The following MAST4 variants were observed in gnomAD, a reference collection of about 807,000 sequenced individuals.
MAST4 encodes microtubule associated serine/threonine kinase family member 4.
Under a neutral mutation model 162.7 loss-of-function variants are expected in MAST4, and 89 were observed. The ratio of observed to expected loss-of-function variants is 0.55; its 90% CI spans 0.46 to 0.65. MAST4 has a LOEUF of 0.65. Among genes scored for constraint, MAST4 ranks in the 30% least tolerant of loss-of-function variants. The pLI, the probability that MAST4 is intolerant of heterozygous loss-of-function variation, is 0.00. For missense variants in MAST4, 3,153 were observed against 3,374.0 expected, an observed-to-expected ratio of 0.93 and a Z score of 1.62; for synonymous variants, 1,479 against 1,361.1, an observed-to-expected ratio of 1.09 and a Z score of -1.91.
In MAST4 at chr5:67,145,261, C is replaced by T. The variant is rs1276253914; in HGVS notation, c.2976C>T (p.Ser992=). ...AGGGAGAGCAAGATGAAGCTGCCTCCTGCCCTGGAGACCCCCATGAGGAGC... is the reference window on the plus strand; with the variant it reads ...AGGGAGAGCAAGATGAAGCTGCCTCTTGCCCTGGAGACCCCCATGAGGAGC... ...STEGEQDEAA[S]CPGDPHEEPG... The change falls in exon 23 of 29, where the codon TCC becomes TCT. Residue 992 remains serine (S), a synonymous_variant. Coordinates refer to ENST00000403625, the MANE Select transcript of MAST4 (RefSeq NM_001164664.2). 1.9e-6 allele frequency: 3 copies of T among 1,613,822 alleles called. No homozygotes were observed. The highest frequency in any genetic ancestry group is 1.3e-5 in the African/African-American group (1 of 74,922).
At chr5:66,928,815 A>G (rs999337499) in intron 4 of MAST4, among the ~76,000 whole-genome samples, 5 of 152,190 alleles carry the variant, frequency 3.3e-5, no homozygotes, top group African/African-American at 1.2e-4. Context: ...ACTCTGGGCA[A>G]GAGTGCTCTT....
intron 1 of MAST4, among the ~76,000 whole-genome samples, chr5:66,607,104 A>G (rs1443077424): frequency 1.3e-5 from 2 of 152,182 alleles, no homozygotes; most frequent in Non-Finnish European, 2.9e-5. Context: ...GGAGAATAGT[A>G]GGGAGATACT....
chr5:66,688,813 A>G (rs1748855756), intron 1 of MAST4, among the ~76,000 whole-genome samples: 1 of 152,132 alleles, frequency 6.6e-6, no homozygotes, highest in African/African-American at 2.4e-5. Flanking sequence ...CCTTGCTTAT[A>G]CTAAGACTGG....
chr5:66,687,654 A>G lies in MAST4; in HGVS notation c.364-72055A>G, dbSNP rs112020906. 2.8e-3 allele frequency among the ~76,000 whole-genome samples: 422 copies of G among 151,424 alleles called. 1 individual carries two copies. Among genetic ancestry groups the G allele is most frequent in the African/African-American group, 9.2e-3 (381 of 41,226 alleles). ...TGTGTGTTTATCTATCTATCTATCT[A>G]TCTATCTATCTATCTATCTATCTAT... On this transcript the variant is annotated intron_variant, in intron 1 of 28. Coordinates refer to ENST00000403625, the MANE Select transcript of MAST4 (RefSeq NM_001164664.2).
intron 1 of MAST4, among the ~76,000 whole-genome samples, chr5:66,627,428 T>C (rs1580033475): frequency 1.3e-5 from 2 of 152,088 alleles, no homozygotes; most frequent in East Asian, 3.9e-4. Context: ...GAGCATAAAA[T>C]GGTGTTTTGA....
intron 3 of MAST4, among the ~76,000 whole-genome samples, chr5:66,813,925 A>G (rs1756593239): frequency 1.3e-5 from 2 of 152,346 alleles, no homozygotes; most frequent in Admixed American, 1.3e-4. Flanking sequence ...TTGGAAGGTT[A>G]CTGGGAACAT....
chr5:66,869,538 T>C (rs1374505994), intron 3 of MAST4, among the ~76,000 whole-genome samples: 2 of 152,214 alleles, frequency 1.3e-5, no homozygotes, highest in African/African-American at 4.8e-5. Context: ...AACATAATCC[T>C]GACTGGCAAT....
At chr5:67,043,164 T>G (rs893335496) in intron 4 of MAST4, among the ~76,000 whole-genome samples, 5 of 152,220 alleles carry the variant, frequency 3.3e-5, no homozygotes, top group African/African-American at 1.2e-4. Flanking sequence ...CCCTTTTATT[T>G]TTTTGGTTAG....
intron 4 of MAST4, among the ~76,000 whole-genome samples, chr5:66,908,616 T>C (rs1166374986): frequency 6.6e-6 from 1 of 152,176 alleles, no homozygotes; most frequent in Non-Finnish European, 1.5e-5. Flanking sequence ...GGAATAACTT[T>C]TTAGCAAATC....
At chr5:66,848,902 A>G (rs1237642110) in intron 3 of MAST4, among the ~76,000 whole-genome samples, 1 of 152,170 alleles carries the variant, frequency 6.6e-6, no homozygotes, top group African/African-American at 2.4e-5. Flanking sequence ...CTCATATCAG[A>G]AAACTCTGTC....
intron 1 of MAST4, among the ~76,000 whole-genome samples, chr5:66,730,751 CTGTG>C (rs70987138): frequency 4.2e-4 from 62 of 149,240 alleles, no homozygotes; most frequent in African/African-American, 1.3e-3. Context: ...CCTACCTACT[CTGTG>C]TGTGTGTGTG....
At chr5:66,979,925 G>T (rs928251216) in intron 4 of MAST4, among the ~76,000 whole-genome samples, 1 of 152,196 alleles carries the variant, frequency 6.6e-6, no homozygotes, top group African/African-American at 2.4e-5. Context: ...TTATGGATCT[G>T]ACCAAATTTT....
At chr5:66,904,704 A>C (rs1442225097) in intron 4 of MAST4, among the ~76,000 whole-genome samples, 1 of 152,088 alleles carries the variant, frequency 6.6e-6, no homozygotes, top group Non-Finnish European at 1.5e-5. Context: ...TTGGTTTATG[A>C]TATTTGATTG....
chr5:66,909,542 C>G (rs1363750702), intron 4 of MAST4, among the ~76,000 whole-genome samples: 3 of 152,270 alleles, frequency 2.0e-5, no homozygotes, highest in East Asian at 3.9e-4. Flanking sequence ...AACAAGGAAC[C>G]AATGACTCAG....
chr5:66,670,643 T>C (rs1388122679), intron 1 of MAST4, among the ~76,000 whole-genome samples: 1 of 152,166 alleles, frequency 6.6e-6, no homozygotes, highest in Non-Finnish European at 1.5e-5. Context: ...CCGGGCAGTG[T>C]ATCTCACTAG....
At chr5:66,923,748 C>A (rs991527311) in intron 4 of MAST4, among the ~76,000 whole-genome samples, 5 of 152,130 alleles carry the variant, frequency 3.3e-5, no homozygotes, top group African/African-American at 9.7e-5. Flanking sequence ...GTGTTTGTAA[C>A]CCTGCCTGCT....
chr5:66,731,094 A>G (rs1176378466), intron 1 of MAST4, among the ~76,000 whole-genome samples: 2 of 152,204 alleles, frequency 1.3e-5, no homozygotes, highest in African/African-American at 4.8e-5. Context: ...AAATTATTTC[A>G]GTTTTTGTTT....
chr5:66,834,603 C>T (rs1170942969), intron 3 of MAST4, among the ~76,000 whole-genome samples: 1 of 152,158 alleles, frequency 6.6e-6, no homozygotes, highest in Non-Finnish European at 1.5e-5. Flanking sequence ...TTACTCTTAG[C>T]ATTTTGCAAG....
At chr5:66,677,123 A>G (rs1161088313) in intron 1 of MAST4, among the ~76,000 whole-genome samples, 1 of 152,224 alleles carries the variant, frequency 6.6e-6, no homozygotes, top group African/African-American at 2.4e-5. Flanking sequence ...AATACCTGGA[A>G]TGGAAGTTAA....
Sources: allele counts gnomAD v4.1 joint callset (sites outside exome capture counted in the v4.1 genomes callset), GRCh38; gene constraint gnomAD v4.1.1; transcripts MANE v1.5; gene names NCBI Gene and HGNC (gene_info 2026-07-23, HGNC 2026-07-21).